ARID1B: variants seen among roughly 807,000 people sequenced by gnomAD.
ARID1B encodes the protein AT-rich interaction domain 1B.
Under a neutral mutation model 212.3 loss-of-function variants are expected in ARID1B, and 30 were observed. The observed-to-expected ratio is 0.14, with a 90% confidence interval of 0.11 to 0.19. ARID1B has a LOEUF of 0.19. ARID1B is among the 10% of genes least tolerant of loss of function. The pLI is 1.00. For missense variants in ARID1B, 2,891 were observed against 3,204.0 expected (o/e 0.90, Z 2.36); for synonymous variants, 1,402 against 1,301.7 (o/e 1.08, Z -1.66).
intron 4 of ARID1B, among the ~76,000 whole-genome samples, chr6:157,027,221 T>G (rs148378943): frequency 4.6e-4 from 70 of 152,332 alleles, no homozygotes; most frequent in African/African-American, 1.6e-3. Context: ...AAGTTTCCTC[T>G]AACACAATAA....
intron 4 of ARID1B, among the ~76,000 whole-genome samples, chr6:157,067,769 G>T (rs1350945178): frequency 6.6e-6 from 1 of 152,074 alleles, no homozygotes; most frequent in Non-Finnish European, 1.5e-5. Context: ...GTGTTTTTCT[G>T]TCTTCTGCTC....
chr6:156,890,954 TAAG>T (rs1391756061), intron 2 of ARID1B, among the ~76,000 whole-genome samples: 1 of 152,156 alleles, frequency 6.6e-6, no homozygotes, highest in Admixed American at 6.5e-5. Context: ...CTTCTTAAAA[TAAG>T]AAAGAGGGGA....
intron 4 of ARID1B, among the ~76,000 whole-genome samples, chr6:156,966,077 T>C (rs1794720910): frequency 6.6e-6 from 1 of 152,240 alleles, no homozygotes. Flanking sequence ...TTTGCCTATT[T>C]TCTTTTCAAT....
intron 4 of ARID1B, among the ~76,000 whole-genome samples, chr6:156,960,164 C>T (rs1031906841): frequency 6.6e-6 from 1 of 151,758 alleles, no homozygotes; most frequent in South Asian, 2.1e-4. Flanking sequence ...CTACTGACCT[C>T]GTGATCTGCC....
At chr6:156,795,433 T>C (rs1430494321) in intron 1 of ARID1B, among the ~76,000 whole-genome samples, 1 of 152,176 alleles carries the variant, frequency 6.6e-6, no homozygotes, top group Non-Finnish European at 1.5e-5. Flanking sequence ...TAATATTCAT[T>C]ATGTACCCAG....
chr6:157,060,630 C>CTTTTTTTTTTTT lies in ARID1B; in HGVS notation c.2248-24017_2248-24006dup, dbSNP rs56870548. 5.6e-5 allele frequency among the ~76,000 whole-genome samples: 4 copies of CTTTTTTTTTTTT among 72,038 alleles called. 1 individual carries two copies. The highest frequency in any genetic ancestry group is 2.5e-4 in the African/African-American group (4 of 15,958). The allele number at this position is 72,038 out of a possible 152,430, so 47.3% of individuals were successfully genotyped here. ...TAATATATGTGAAGCAAAATCTGAACTTTTTTTTTTTTTTTTTTTTTTTTT... is the reference window on the plus strand; with the variant it reads ...TAATATATGTGAAGCAAAATCTGAACTTTTTTTTTTTTTTTTTTTTTTTTTTTTTTTTTTTTT... On this transcript the variant is annotated intron_variant, in intron 4 of 19. Transcript: ENST00000636930.
rs1195133300 is a variant in ARID1B at position 157,133,107 on chromosome 6, T to C, written c.2661T>C (p.His887=). The change falls in exon 7 of 20, where the codon CAT becomes CAC. Residue 887 remains histidine, a synonymous_variant. Transcript: ENST00000636930. ...AGACAGGACCATCCATGTCGCCTCA[T>C]CCTTCTCCTGGGGGCCAGATGCATG... ...PQQTGPSMSP[H]PSPGGQMHAG... 6.2e-7 allele frequency: 1 copy of C among 1,614,060 alleles called. No individual in the cohort carries two copies. Among genetic ancestry groups the C allele is most frequent in the Non-Finnish European group, 8.5e-7 (1 of 1,180,046 alleles).
intron 5 of ARID1B, among the ~76,000 whole-genome samples, chr6:157,088,159 TTGC>T (rs769249573): frequency 3.9e-5 from 6 of 152,216 alleles, no homozygotes; most frequent in East Asian, 1.9e-4. Flanking sequence ...CAGGTGCTCA[TTGC>T]ACAGGGTCTG....
At chr6:157,146,627 C>T (rs1789744431) in intron 7 of ARID1B, among the ~76,000 whole-genome samples, 1 of 152,180 alleles carries the variant, frequency 6.6e-6, no homozygotes, top group Non-Finnish European at 1.5e-5. Flanking sequence ...CACACACATG[C>T]ATACCCATAC....
rs867366715 is a variant in ARID1B, at chr6:157,004,912, T to G, written c.2247+69336T>G. 3.8e-3 allele frequency among the ~76,000 whole-genome samples: 432 copies of G among 113,454 alleles called. 7 individuals carry two copies. The highest frequency in any genetic ancestry group is 6.0e-3 in the Non-Finnish European group (333 of 55,692). 74.4% of individuals were successfully genotyped at this position (113,454 alleles called of 152,430 possible). ...CTTCTTTTTTCTTTTTTTTTTTTTT[T>G]TTTTTTTTTTTTTTTTTTTGAGATG... is the stretch of plus-strand genomic sequence containing the variant. On this transcript the variant is annotated intron_variant, in intron 4 of 19. Coordinates refer to ENST00000636930, the MANE Select transcript of ARID1B (RefSeq NM_001374828.1).
chr6:157,181,329 G>A, intron 12 of ARID1B, 151 bp downstream of exon 12: 3 of 994,606 alleles, frequency 3.0e-6, no homozygotes, highest in East Asian at 5.3e-5. Flanking sequence ...ACGTCTGTGT[G>A]CTGTCAGGGA....
At chr6:157,151,660 A>G (rs1202036982) in intron 8 of ARID1B, 3 of 152,208 alleles carry the variant, frequency 2.0e-5, no homozygotes, top group African/African-American at 7.2e-5. Context: ...CTTAAAGTCT[A>G]TTACTATTGA....
At chr6:157,170,821 C>T (rs1372195693) in intron 9 of ARID1B, among the ~76,000 whole-genome samples, 4 of 152,180 alleles carry the variant, frequency 2.6e-5, no homozygotes, top group Admixed American at 1.3e-4. Context: ...GAGAGCAGTG[C>T]GTCTCCCGAG....
intron 8 of ARID1B, among the ~76,000 whole-genome samples, chr6:157,156,945 T>G (rs1359471032): frequency 1.3e-5 from 2 of 152,244 alleles, no homozygotes; most frequent in African/African-American, 2.4e-5. Context: ...TGCGCCGACC[T>G]GACCCTGACT....
intron 9 of ARID1B, among the ~76,000 whole-genome samples, chr6:157,171,421 G>A (rs190659351): frequency 3.8e-4 from 58 of 152,332 alleles, no homozygotes; most frequent in African/African-American, 1.3e-3. Context: ...TTCTGGGAAA[G>A]GAGAAGAAAT....
intron 5 of ARID1B, among the ~76,000 whole-genome samples, chr6:157,097,971 G>A (rs1039833592): frequency 3.3e-5 from 5 of 152,132 alleles, no homozygotes; most frequent in East Asian, 1.9e-4. Context: ...CACAGCAGTC[G>A]ATTTTTCCCC....
At chr6:156,951,451 CT>C (rs954316926) in intron 4 of ARID1B, among the ~76,000 whole-genome samples, 56 of 148,806 alleles carry the variant, frequency 3.8e-4, no homozygotes, top group African/African-American at 9.8e-4. Context: ...CTTTCTTTTT[CT>C]TTTTTTTTTG....
At chr6:157,032,319 A>C (rs148201329) in intron 4 of ARID1B, among the ~76,000 whole-genome samples, 2,089 of 152,328 alleles carry the variant, frequency 0.014, 27 homozygotes, top group Non-Finnish European at 0.02. Context: ...CTATCATGTG[A>C]ATATACCATA....
At chr6:156,947,790 T>C (rs1222492062) in intron 4 of ARID1B, among the ~76,000 whole-genome samples, 40 of 152,212 alleles carry the variant, frequency 2.6e-4, no homozygotes, top group Admixed American at 2.6e-3. Flanking sequence ...AAAAAATTCT[T>C]TTTGTATAAG....
Sources: gnomAD v4.1 joint callset for allele counts (sites outside exome capture counted in the v4.1 genomes callset) on GRCh38, gnomAD v4.1.1 for gene constraint, MANE v1.5 for transcripts, NCBI Gene and HGNC (gene_info 2026-07-23, HGNC 2026-07-21) for gene names.